Variants in REPIN1 observed in about 807,000 individuals in gnomAD.
REPIN1 encodes the protein replication initiator 1.
In REPIN1, 4 loss-of-function variants were observed where a neutral mutation model predicts 5.7. The observed-to-expected ratio is 0.71, with a 90% CI of 0.35 to 1.62. The LOEUF (loss-of-function observed/expected upper bound fraction) is 1.62, where lower values mean the gene tolerates loss of function less well. Ranked by LOEUF, REPIN1 falls within the 40% of genes most tolerant of loss-of-function variation. The probability of loss-of-function intolerance (pLI) is 0.05; values close to 1 mark genes in which losing one functional copy is unlikely to be tolerated. For synonymous variants in REPIN1, 410 were observed against 386.2 expected (o/e 1.06, Z -0.72); for missense variants, 854 against 901.0 (o/e 0.95, Z 0.67).
chr7:150,368,981 C>CG, intron 1 of REPIN1, 40 bp downstream of exon 1: 1 of 361,458 alleles, frequency 2.8e-6, no homozygotes, highest in Non-Finnish European at 4.9e-6. Context: ...CGCGGGCCCG[C>CG]GGGGGGCCGC....
At position 150,373,877 on chromosome 7, in the gene REPIN1, T is replaced by C. The variant is rs965628555; in HGVS notation, c.*932T>C. On this transcript the variant is annotated 3_prime_UTR_variant, in exon 3 of 3. Transcript: ENST00000489432. ...CACCTCCTGAGGCCCTGGATGATTC[T>C]AATTGTTAGAAATTCTAATTGTTAG... 2.4e-5 allele frequency: 4 copies of C among 167,120 alleles called. No individual in the cohort carries two copies. The highest frequency in any genetic ancestry group is 9.6e-5 in the African/African-American group (4 of 41,480). The allele number at this position is 167,120 out of a possible 1,614,324, so 10.4% of individuals were successfully genotyped here. A position where few individuals can be genotyped will look rare whatever the true frequency, so the allele number is the denominator to read the frequency against.
At chr7:150,371,008 G>A (rs907304042) in intron 2 of REPIN1, 3 of 651,680 alleles carry the variant, frequency 4.6e-6, no homozygotes, top group African/African-American at 3.7e-5. Flanking sequence ...GAAGTTTCCA[G>A]GGCAACAAAG....
rs769287325 is a variant in REPIN1, at chr7:150,372,901, G to A, written c.1831G>A (p.Asp611Asn). The part of the protein sequence containing the change: ...CCAICGQTFD[D>N]EERLLAHQKK... Reference sequence around the variant, plus strand: ...TGCCATCTGTGGCCAGACCTTCGACGACGAGGAGAGACTCCTGGCCCACCA... The same window carrying A: ...TGCCATCTGTGGCCAGACCTTCGACAACGAGGAGAGACTCCTGGCCCACCA... Residue 611 changes from aspartate to asparagine, a missense_variant, in exon 3 of 3, where the codon GAC (aspartate) becomes AAC (asparagine). By Grantham distance (23) the Asp-to-Asn change is conservative. This residue lies in a region of REPIN1 where 101 missense variants were observed against 124.7 expected (regional missense o/e 0.81). Transcript: ENST00000489432. The A allele has an allele frequency of 6.2e-7, 1 of 1,613,364 alleles. No individual in the cohort carries two copies. The highest frequency in any genetic ancestry group is 8.5e-7 in the Non-Finnish European group (1 of 1,180,008).
In REPIN1 at chr7:150,371,502, C is replaced by G. The variant is rs748276481; in HGVS notation, c.432C>G (p.Cys144Trp). 2 of 1,606,884 alleles carry G rather than the reference C, an allele frequency of 1.2e-6. No individual in the cohort carries two copies. The highest frequency in any genetic ancestry group is 1.1e-5 in the South Asian group (1 of 91,018). Reference sequence around the variant, plus strand: ...GCCAGGCCCGGCTGCCCTTGCCCTGCCCTGAGTGTGGCCGTCGCTTTCGCC... The same window carrying G: ...GCCAGGCCCGGCTGCCCTTGCCCTGGCCTGAGTGTGGCCGTCGCTTTCGCC... ...RRCQARLPLP[C>W]PECGRRFRHA... is the part of the protein sequence containing the mutation. The change falls in exon 3 of 3, where the codon TGC (cysteine) becomes TGG (tryptophan). Residue 144 changes from cysteine to tryptophan, a missense_variant. Cys to Trp is a radical substitution (Grantham distance 215). Coordinates refer to ENST00000489432, the MANE Select transcript of REPIN1 (RefSeq NM_001099695.2).
chr7:150,369,686 C>A lies in REPIN1; in HGVS notation c.-26C>A. On this transcript the variant is annotated 5_prime_UTR_variant, in exon 2 of 3. The change creates a new upstream start codon in the 5' untranslated region. Coordinates refer to ENST00000489432, the MANE Select transcript of REPIN1 (RefSeq NM_001099695.2). ...CTCCCCACAGGTAAGGCTGGCCTCT[C>A]TGCAGTCAGAGGTCTGAGCTCTGCC... 1 of 1,613,788 alleles carries A rather than the reference C, an allele frequency of 6.2e-7. No homozygotes were observed. The highest frequency in any genetic ancestry group is 1.1e-5 in the South Asian group (1 of 91,070).
chr7:150,370,980 C>A, intron 2 of REPIN1: 1 of 638,996 alleles, frequency 1.6e-6, no homozygotes, highest in Non-Finnish European at 2.8e-6. Flanking sequence ...ATTCTAGTAT[C>A]AGAGTCCCTC....
In REPIN1 at chr7:150,373,061, G is replaced by A; in HGVS notation, c.*116G>A. 1.4e-6 allele frequency: 2 copies of A among 1,413,322 alleles called. No individual in the cohort carries two copies. Among genetic ancestry groups the A allele is most frequent in the East Asian group, 2.4e-5 (1 of 41,820 alleles). The allele number at this position is 1,413,322 out of a possible 1,614,324, so 87.5% of individuals were successfully genotyped here. A position where few individuals can be genotyped will look rare whatever the true frequency, so the allele number is the denominator to read the frequency against. On this transcript the variant is annotated 3_prime_UTR_variant, in exon 3 of 3. Coordinates refer to ENST00000489432, the MANE Select transcript of REPIN1 (RefSeq NM_001099695.2). ...AGTAGGGGACAATGGGAATCCTAGA[G>A]GGGATGGAAGACGCGGGGAGTGAGC...
At position 150,372,429 on chromosome 7, in the gene REPIN1, G is replaced by C. The variant is rs774670558; in HGVS notation, c.1359G>C (p.Gln453His). The stretch of plus-strand genomic sequence containing the variant: ...GCTTCCTGCGGGCCCACCAGCGGCA[G>C]CACACCGGGGAGCGGCCCTTCACCT... ...LERFLRAHQR[Q>H]HTGERPFTCA... The change falls in exon 3 of 3, where the codon CAG (glutamine) becomes CAC (histidine). Residue 453 changes from glutamine to histidine, a missense_variant. Transcript: ENST00000489432. The C allele has an allele frequency of 1.2e-5, 18 of 1,505,110 alleles. No individual in the cohort carries two copies. In the African/African-American group the frequency reaches 2.5e-4, roughly 21 times the overall value. The allele number at this position is 1,505,110 out of a possible 1,614,324, so 93.2% of individuals were successfully genotyped here.
chr7:150,373,220 A>G lies in REPIN1; in HGVS notation c.*275A>G, dbSNP rs928116765. On this transcript the variant is annotated 3_prime_UTR_variant, in exon 3 of 3. Transcript: ENST00000489432. ...TGCCCTGTGCCCTGGAAAAGCAGCA[A>G]TAGCATCCGCCCCTTAGAGCCCTCT... 2 of 534,168 alleles carry G rather than the reference A, an allele frequency of 3.7e-6. No homozygotes were observed. Among genetic ancestry groups the G allele is most frequent in the Non-Finnish European group, 6.8e-6 (2 of 292,002 alleles). 33.1% of individuals were successfully genotyped at this position (534,168 alleles called of 1,614,324 possible). A position where few individuals can be genotyped will look rare whatever the true frequency, so the allele number is the denominator to read the frequency against.
chr7:150,373,068 G>A lies in REPIN1; in HGVS notation c.*123G>A. On this transcript the variant is annotated 3_prime_UTR_variant, in exon 3 of 3. Transcript: ENST00000489432. Reference sequence around the variant, plus strand: ...GACAATGGGAATCCTAGAGGGGATGGAAGACGCGGGGAGTGAGCTGGGTGG... The same window carrying A: ...GACAATGGGAATCCTAGAGGGGATGAAAGACGCGGGGAGTGAGCTGGGTGG... 1 of 1,369,580 alleles carries A rather than the reference G, an allele frequency of 7.3e-7. No individual in the cohort carries two copies. Among genetic ancestry groups the A allele is most frequent in the East Asian group, 2.4e-5 (1 of 40,850 alleles). The allele number at this position is 1,369,580 out of a possible 1,614,324, so 84.8% of individuals were successfully genotyped here. A position where few individuals can be genotyped will look rare whatever the true frequency, so the allele number is the denominator to read the frequency against.
intron 2 of REPIN1, chr7:150,370,714 G>T: frequency 1.4e-6 from 1 of 702,448 alleles, no homozygotes; most frequent in Non-Finnish European, 2.6e-6. Flanking sequence ...CCTTGGGCAG[G>T]TCTCGTCATC....
In REPIN1 at chr7:150,369,663, C is replaced by T. The variant is rs765138868; in HGVS notation, c.-41-8C>T. ...GCCTCACTTCTGTTTTCTCTTCCCT[C>T]CCCACAGGTAAGGCTGGCCTCTCTG... On this transcript the variant is annotated splice_region_variant and splice_polypyrimidine_tract_variant and intron_variant, in intron 1 of 2. Transcript: ENST00000489432. 2.5e-6 allele frequency: 4 copies of T among 1,612,824 alleles called. No individual in the cohort carries two copies. Among genetic ancestry groups the T allele is most frequent in the Non-Finnish European group, 2.5e-6 (3 of 1,179,500 alleles).
chr7:150,371,964 T>C lies in REPIN1; in HGVS notation c.894T>C (p.Cys298=). The part of the protein sequence containing the change: ...AVDRPFQCAC[C]GKRFRHKPNL... Reference sequence around the variant, plus strand: ...ACCGCCCCTTCCAGTGTGCCTGTTGTGGCAAGCGCTTCCGGCACAAGCCCA... The same window carrying C: ...ACCGCCCCTTCCAGTGTGCCTGTTGCGGCAAGCGCTTCCGGCACAAGCCCA... The change falls in exon 3 of 3, where the codon TGT becomes TGC. Residue 298 remains cysteine, a synonymous_variant. Transcript: ENST00000489432. The C allele has an allele frequency of 6.2e-7, 1 of 1,609,474 alleles. No homozygotes were observed. Among genetic ancestry groups the C allele is most frequent in the South Asian group, 1.1e-5 (1 of 91,040 alleles).
chr7:150,372,734 A>G lies in REPIN1; in HGVS notation c.1664A>G (p.Gln555Arg). The change falls in exon 3 of 3, where the codon CAG becomes CGG. Residue 555 changes from glutamine (Q) to arginine (R), a missense_variant. By Grantham distance (43) the Gln-to-Arg change is conservative (BLOSUM62 1). Around this residue, in one of 5 missense-constraint regions of REPIN1, gnomAD observed 101 missense variants for 124.7 expected, o/e 0.81. Coordinates refer to ENST00000489432, the MANE Select transcript of REPIN1 (RefSeq NM_001099695.2). ...CCCGACTGCGGCAAAGCCTTCAGCC[A>G]GAAGTCCAACCTGGTGTCGCACCGG... is the stretch of plus-strand genomic sequence containing the variant. ...VCPDCGKAFSQKSNLVSHRRI... is the reference protein window; with the variant it reads ...VCPDCGKAFSRKSNLVSHRRI... 1 of 1,612,694 alleles carries G rather than the reference A, an allele frequency of 6.2e-7. No homozygotes were observed. The highest frequency in any genetic ancestry group is 8.5e-7 in the Non-Finnish European group (1 of 1,179,892).
rs751303343 is a variant in REPIN1, at chr7:150,372,655, C to G, written c.1585C>G (p.Pro529Ala). The G allele has an allele frequency of 1.9e-6, 3 of 1,611,592 alleles. No individual in the cohort carries two copies. In the African/African-American group the frequency reaches 4.0e-5, roughly 22 times the overall value. Reference sequence around the variant, plus strand: ...CTGCGGCAAGGCCTTCCGCCACAAACCCTACCTGGCGGCGCACCGGCGCAT... The same window carrying G: ...CTGCGGCAAGGCCTTCCGCCACAAAGCCTACCTGGCGGCGCACCGGCGCAT... ...PDCGKAFRHK[P>A]YLAAHRRIHT... Residue 529 changes from proline (P) to alanine (A), a missense_variant, in exon 3 of 3, where the codon CCC (proline) becomes GCC (alanine). By Grantham distance (27) the Pro-to-Ala change is conservative. Around this residue, in one of 5 missense-constraint regions of REPIN1, gnomAD observed 5 missense variants for 20.2 expected, o/e 0.25. Coordinates refer to ENST00000489432, the MANE Select transcript of REPIN1 (RefSeq NM_001099695.2).
At chr7:150,369,946 A>G in intron 2 of REPIN1, 78 bp downstream of exon 2, 1 of 1,496,592 alleles carries the variant, frequency 6.7e-7, no homozygotes, top group Non-Finnish European at 9.0e-7. Flanking sequence ...GGCGGAAGGA[A>G]ATGGCCCTTT....
intron 2 of REPIN1, chr7:150,370,257 C>T (rs1799488556): frequency 4.0e-6 from 1 of 250,444 alleles, no homozygotes; most frequent in East Asian, 9.4e-5. Flanking sequence ...CCCTCCCCTT[C>T]TATTGCCCCA....
Position 150,372,874 on chromosome 7 carries a change from T to C in REPIN1, c.1804T>C (p.Cys602Arg). 6.2e-7 allele frequency: 1 copy of C among 1,613,344 alleles called. No individual in the cohort carries two copies. The highest frequency in any genetic ancestry group is 8.5e-7 in the Non-Finnish European group (1 of 1,180,026). Reference protein sequence around the residue: ...KSHIRDGAFCCAICGQTFDDE... With the variant: ...KSHIRDGAFCRAICGQTFDDE... ...CCACATCCGGGACGGCGCCTTCTGCTGTGCCATCTGTGGCCAGACCTTCGA... is the reference window on the plus strand; with the variant it reads ...CCACATCCGGGACGGCGCCTTCTGCCGTGCCATCTGTGGCCAGACCTTCGA... Residue 602 changes from cysteine to arginine, a missense_variant, in exon 3 of 3, where the codon TGT (cysteine) becomes CGT (arginine). Coordinates refer to ENST00000489432, the MANE Select transcript of REPIN1 (RefSeq NM_001099695.2).
At position 150,371,922 on chromosome 7, in the gene REPIN1, C is replaced by G; in HGVS notation, c.852C>G (p.Pro284=). 6.2e-7 allele frequency: 1 copy of G among 1,608,870 alleles called. No individual in the cohort carries two copies. The highest frequency in any genetic ancestry group is 2.2e-5 in the East Asian group (1 of 44,804). ...GCCCCGCGGTGACCGCCCCCCGGCC[C>G]GGTGGAGATGCCGTCGACCGCCCCT... ...RGRPAVTAPR[P]GGDAVDRPFQ... Residue 284 remains proline, a synonymous_variant, in exon 3 of 3, where the codon CCC becomes CCG. Transcript: ENST00000489432.
Sources: gnomAD v4.1 joint callset for allele counts on GRCh38, gnomAD v4.1.1 for gene constraint, gnomAD v4.1.1 regional missense constraint, MANE v1.5 for transcripts, NCBI Gene and HGNC (gene_info 2026-07-23, HGNC 2026-07-21) for gene names.